PRELID2: variants seen among roughly 807,000 people sequenced by gnomAD.
PRELID2 encodes PRELI domain containing 2.
Under a neutral mutation model 28.4 loss-of-function variants are expected in PRELID2, and 25 were observed. The observed-to-expected ratio is 0.88, with a 90% CI of 0.64 to 1.23. PRELID2 has a LOEUF of 1.23. Among genes scored for constraint, PRELID2 ranks in the 50% most tolerant of loss-of-function variants. The pLI, the probability that PRELID2 is intolerant of heterozygous loss-of-function variation, is 0.00. For synonymous variants in PRELID2, 76 were observed against 71.6 expected (o/e 1.06, Z -0.31); for missense variants, 201 against 214.4 (o/e 0.94, Z 0.39).
chr5:145,373,067 GAT>G, the PRELID2 span, among the ~76,000 whole-genome samples: 14 of 15,354 alleles, frequency 9.1e-4, 1 homozygote, highest in East Asian at 9.6e-3. Flanking sequence ...TATAATATAT[GAT>G]ATATATTACA....
chr5:145,427,008 G>A, the PRELID2 span, among the ~76,000 whole-genome samples: 1 of 152,144 alleles, frequency 6.6e-6, no homozygotes, highest in Non-Finnish European at 1.5e-5. Context: ...GAATTCACTT[G>A]CCTACACATC....
chr5:145,323,312 C>G, the PRELID2 span, among the ~76,000 whole-genome samples: 1 of 152,004 alleles, frequency 6.6e-6, no homozygotes, highest in Non-Finnish European at 1.5e-5. Flanking sequence ...GGAAGGTTGG[C>G]AAGGGCTGAA....
chr5:145,652,554 G>C (rs538181608), intron 1 of PRELID2, among the ~76,000 whole-genome samples: 1 of 152,158 alleles, frequency 6.6e-6, no homozygotes, highest in Non-Finnish European at 1.5e-5. Context: ...CTGATCTCTC[G>C]GCAGAAACTC....
chr5:145,454,471 G>C, the PRELID2 span, among the ~76,000 whole-genome samples: 1 of 152,156 alleles, frequency 6.6e-6, no homozygotes, highest in African/African-American at 2.4e-5. Context: ...ATTCAATTAG[G>C]AAAAGAGGAA....
At chr5:145,370,684 A>G in the PRELID2 span, among the ~76,000 whole-genome samples, 2 of 152,040 alleles carry the variant, frequency 1.3e-5, no homozygotes. Context: ...TAATGGGAAT[A>G]GCATTGAATC....
intron 1 of PRELID2, among the ~76,000 whole-genome samples, chr5:145,651,199 G>A (rs577312383): frequency 6.6e-6 from 1 of 152,332 alleles, no homozygotes; most frequent in African/African-American, 2.4e-5. Flanking sequence ...AGACGGCAGT[G>A]AGGCTAGGGG....
At chr5:145,285,563 AT>A in the PRELID2 span, among the ~76,000 whole-genome samples, 7 of 152,182 alleles carry the variant, frequency 4.6e-5, no homozygotes, top group Non-Finnish European at 8.8e-5. Flanking sequence ...AGTAAAGTGT[AT>A]TCAAACATGA....
the PRELID2 span, among the ~76,000 whole-genome samples, chr5:145,291,112 G>T: frequency 1.3e-5 from 2 of 151,604 alleles, no homozygotes; most frequent in Admixed American, 1.3e-4. Flanking sequence ...GGCTGAGGTG[G>T]GTGGATCACG....
chr5:145,386,576 A>G, the PRELID2 span, among the ~76,000 whole-genome samples: 987 of 152,264 alleles, frequency 6.5e-3, 6 homozygotes, highest in Non-Finnish European at 0.01. Context: ...ACTGTGAGTC[A>G]ATCAAACCTC....
chr5:145,412,857 T>A, the PRELID2 span, among the ~76,000 whole-genome samples: 6 of 152,102 alleles, frequency 3.9e-5, no homozygotes, highest in East Asian at 1.2e-3. Context: ...GGAAGGCACG[T>A]CTTCACAGGG....
Position 145,620,194 on chromosome 5 carries a change from TG to T in PRELID2, n.70+144736del, listed in dbSNP as rs763432542. On this transcript the variant is annotated intron_variant and non_coding_transcript_variant, in intron 1 of 2. Transcript: ENST00000510259. ...CCACAGTCCAAAAAGAGAGGAAACA[TG>T]TTGAATGCTGAACAACATAAATTAA... Among the ~76,000 whole-genome samples the T allele has an allele frequency of 7.9e-5, 12 of 152,332 alleles. No individual in the cohort carries two copies. The East Asian group carries it at 2.3e-3, about 29-fold the overall frequency.
the PRELID2 span, among the ~76,000 whole-genome samples, chr5:145,239,009 C>G: frequency 3.9e-5 from 6 of 152,054 alleles, no homozygotes; most frequent in Non-Finnish European, 8.8e-5. Flanking sequence ...ATCTAACACA[C>G]ACACATTAAT....
the PRELID2 span, among the ~76,000 whole-genome samples, chr5:145,236,474 A>G: frequency 6.6e-6 from 1 of 152,140 alleles, no homozygotes; most frequent in Non-Finnish European, 1.5e-5. Context: ...CAGATCATTC[A>G]CAAGTAAATA....
At chr5:145,649,295 G>A (rs1370698413) in intron 1 of PRELID2, among the ~76,000 whole-genome samples, 1 of 152,082 alleles carries the variant, frequency 6.6e-6, no homozygotes, top group Admixed American at 6.5e-5. Flanking sequence ...GCAGTGGAGG[G>A]GCGGGATCCG....
At chr5:145,570,136 C>A (rs1417671810) in intron 1 of PRELID2, among the ~76,000 whole-genome samples, 1 of 152,154 alleles carries the variant, frequency 6.6e-6, no homozygotes, top group Non-Finnish European at 1.5e-5. Context: ...TCCAAATTTT[C>A]TCTTTTTATA....
At chr5:145,410,332 G>A in the PRELID2 span, among the ~76,000 whole-genome samples, 1 of 152,166 alleles carries the variant, frequency 6.6e-6, no homozygotes, top group African/African-American at 2.4e-5. Flanking sequence ...AAACTATAAA[G>A]CTTCTGCACA....
At chr5:145,733,403 T>C (rs947989478) in intron 1 of PRELID2, among the ~76,000 whole-genome samples, 1 of 152,210 alleles carries the variant, frequency 6.6e-6, no homozygotes, top group African/African-American at 2.4e-5. Flanking sequence ...ATCTGCACAA[T>C]TAAGATTGGC....
chr5:145,470,593 T>G (rs1374823497), downstream of PRELID2, among the ~76,000 whole-genome samples: 3 of 152,090 alleles, frequency 2.0e-5, no homozygotes, highest in Non-Finnish European at 4.4e-5. Flanking sequence ...TGGGAAATGA[T>G]AGAGCAGGGA....
At chr5:145,405,998 GC>G in the PRELID2 span, among the ~76,000 whole-genome samples, 1 of 151,904 alleles carries the variant, frequency 6.6e-6, no homozygotes, top group Non-Finnish European at 1.5e-5. Context: ...AGCCACCACA[GC>G]CAGCTGGTAC....
Sources: gnomAD v4.1 joint callset for allele counts (sites outside exome capture counted in the v4.1 genomes callset) on GRCh38, gnomAD v4.1.1 for gene constraint, MANE v1.5 for transcripts, NCBI Gene and HGNC (gene_info 2026-07-23, HGNC 2026-07-21) for gene names.